ACYP2: variants seen among roughly 807,000 people sequenced by gnomAD.
The protein encoded by ACYP2 is acylphosphatase-2.
A neutral mutation model predicts 11.2 loss-of-function variants in ACYP2; 12 were observed. That is an observed-to-expected ratio of 1.08 (90% CI 0.69 to 1.74). ACYP2 has a LOEUF of 1.74. Ranked by LOEUF, ACYP2 falls within the 40% of genes most tolerant of loss-of-function variation. ACYP2 has a pLI of 0.00. For synonymous variants in ACYP2, 43 were observed against 32.2 expected, an observed-to-expected ratio of 1.33 and a Z score of -1.13; for missense variants, 134 against 101.9, an observed-to-expected ratio of 1.31 and a Z score of -1.35.
At chr2:54,207,173 ATGTG>A (rs58920943) in intron 6 of ACYP2, among the ~76,000 whole-genome samples, 495 of 138,712 alleles carry the variant, frequency 3.6e-3, no homozygotes, top group Middle Eastern at 7.3e-3. Context: ...CAACATGTAT[ATGTG>A]TGTGTGTGTG....
At chr2:54,264,797 G>C (rs1212290421) in intron 6 of ACYP2, among the ~76,000 whole-genome samples, 1 of 152,210 alleles carries the variant, frequency 6.6e-6, no homozygotes, top group African/African-American at 2.4e-5. Context: ...TGGGACAGTG[G>C]AGGAAATTAA....
chr2:54,016,788 C>T (rs1035510866), intron 2 of ACYP2, among the ~76,000 whole-genome samples: 18 of 149,276 alleles, frequency 1.2e-4, no homozygotes, highest in South Asian at 2.1e-4. Flanking sequence ...TGCAGTGGCA[C>T]GATCTCGGCT....
At chr2:54,078,529 T>G (rs1397287135) in intron 4 of ACYP2, among the ~76,000 whole-genome samples, 1 of 151,958 alleles carries the variant, frequency 6.6e-6, no homozygotes, top group Non-Finnish European at 1.5e-5. Flanking sequence ...ATTGTCATCT[T>G]GAACAAATAT....
chr2:54,035,317 G>A (rs994626422), intron 2 of ACYP2, among the ~76,000 whole-genome samples: 8 of 148,314 alleles, frequency 5.4e-5, no homozygotes, highest in African/African-American at 2.0e-4. Context: ...CCAGGCTGGA[G>A]GGCAGTGGTG....
intron 6 of ACYP2, among the ~76,000 whole-genome samples, chr2:54,141,339 A>AG (rs1681587930): frequency 2.0e-5 from 3 of 152,142 alleles, no homozygotes; most frequent in Admixed American, 2.0e-4. Flanking sequence ...TCTGGTTAAG[A>AG]AACAGATTGT....
intron 4 of ACYP2, among the ~76,000 whole-genome samples, chr2:54,070,131 A>G (rs1032339964): frequency 6.6e-6 from 1 of 151,970 alleles, no homozygotes; most frequent in South Asian, 2.1e-4. Context: ...TTAGTTGGGC[A>G]TGGTGGCACA....
At chr2:54,125,727 G>A (rs1558548567) in intron 4 of ACYP2, among the ~76,000 whole-genome samples, 3 of 151,224 alleles carry the variant, frequency 2.0e-5, no homozygotes, top group Non-Finnish European at 4.4e-5. Context: ...TCCAGCCTGG[G>A]GAACAAGAAC....
intron 4 of ACYP2, among the ~76,000 whole-genome samples, chr2:54,075,064 A>G (rs1050632289): frequency 6.6e-6 from 1 of 152,234 alleles, no homozygotes; most frequent in African/African-American, 2.4e-5. Flanking sequence ...GTGACTGGAT[A>G]ACTTTAGGAA....
chr2:54,153,245 G>C (rs1409642990), intron 6 of ACYP2, among the ~76,000 whole-genome samples: 1 of 128,296 alleles, frequency 7.8e-6, no homozygotes, highest in Non-Finnish European at 1.6e-5. Context: ...GCCCCATCGT[G>C]TGTTCTTGGA....
intron 6 of ACYP2, among the ~76,000 whole-genome samples, chr2:54,201,586 C>CTT (rs1234843348): frequency 6.5e-5 from 6 of 92,546 alleles, no homozygotes; most frequent in Non-Finnish European, 1.2e-4. Context: ...GCTTCTTTTT[C>CTT]TTTCTTTCTC....
At chr2:54,069,071 G>A (rs1676885039) in intron 4 of ACYP2, among the ~76,000 whole-genome samples, 1 of 151,918 alleles carries the variant, frequency 6.6e-6, no homozygotes, top group Non-Finnish European at 1.5e-5. Context: ...GGGACTACAT[G>A]TGGCACCACC....
At chr2:54,185,972 A>G (rs910725122) in intron 6 of ACYP2, among the ~76,000 whole-genome samples, 14 of 151,754 alleles carry the variant, frequency 9.2e-5, no homozygotes, top group African/African-American at 3.1e-4. Context: ...ATAATATTAA[A>G]TATTTGAAAT....
chr2:54,254,978 G>A (rs767390092), intron 6 of ACYP2: 7 of 1,614,070 alleles, frequency 4.3e-6, no homozygotes, highest in Non-Finnish European at 5.9e-6. Flanking sequence ...ACCAGGCGAC[G>A]TCTAGCTCTA....
At chr2:54,100,021 G>T (rs2103699721) in intron 4 of ACYP2, among the ~76,000 whole-genome samples, 1 of 152,148 alleles carries the variant, frequency 6.6e-6, no homozygotes, top group South Asian at 2.1e-4. Flanking sequence ...GTTTTAATTT[G>T]CATTTCCCTG....
intron 6 of ACYP2, chr2:54,255,383 G>T (rs542489288): frequency 1.9e-6 from 3 of 1,613,944 alleles, no homozygotes; most frequent in African/African-American, 2.7e-5. Context: ...GGGTGGTGGC[G>T]GAAAGCAGTG....
At chr2:54,030,918 A>G (rs554407821) in intron 2 of ACYP2, among the ~76,000 whole-genome samples, 3 of 152,210 alleles carry the variant, frequency 2.0e-5, no homozygotes, top group Middle Eastern at 3.4e-3. Flanking sequence ...TTTCTTTTTC[A>G]TTATGAAGGT....
chr2:54,236,223 G>C (rs1686471399), intron 6 of ACYP2, among the ~76,000 whole-genome samples: 1 of 152,068 alleles, frequency 6.6e-6, no homozygotes, highest in Non-Finnish European at 1.5e-5. Flanking sequence ...AAATAGGTGT[G>C]AGCCACTGTG....
At chr2:54,095,339 C>T (rs1678465911) in intron 4 of ACYP2, among the ~76,000 whole-genome samples, 1 of 152,260 alleles carries the variant, frequency 6.6e-6, no homozygotes, top group South Asian at 2.1e-4. Flanking sequence ...CCACCTTTCC[C>T]CCACTTCTAT....
intron 3 of ACYP2, among the ~76,000 whole-genome samples, chr2:54,055,787 G>C (rs1293151994): frequency 1.3e-5 from 2 of 152,178 alleles, no homozygotes. Flanking sequence ...GCATCTAAGT[G>C]TTCAGTTATG....
Sources: allele counts gnomAD v4.1 joint callset (sites outside exome capture counted in the v4.1 genomes callset), GRCh38; gene constraint gnomAD v4.1.1; transcripts MANE v1.5; gene names NCBI Gene and HGNC (gene_info 2026-07-23, HGNC 2026-07-21).